SDK1: variants seen among roughly 807,000 people sequenced by gnomAD.
SDK1 encodes protein sidekick-1.
In SDK1, 157 loss-of-function variants were observed where a neutral mutation model predicts 245.5. The ratio of observed to expected loss-of-function variants is 0.64; its 90% confidence interval spans 0.56 to 0.73. The LOEUF (loss-of-function observed/expected upper bound fraction) is 0.73. Among genes scored for constraint, SDK1 ranks in the 30% least tolerant of loss-of-function variants. SDK1 has a pLI of 0.00. For missense variants in SDK1, 3,583 were observed against 3,002.3 expected (o/e 1.19, Z -4.52); for synonymous variants, 1,647 against 1,278.5 (o/e 1.29, Z -6.15).
At chr7:4,111,289 A>G (rs910764613) in intron 23 of SDK1, among the ~76,000 whole-genome samples, 3 of 152,170 alleles carry the variant, frequency 2.0e-5, no homozygotes, top group Non-Finnish European at 4.4e-5. Context: ...GGCTTTAACA[A>G]AGGGTAGGGT....
chr7:3,477,189 C>CA (rs1554277190), intron 1 of SDK1, among the ~76,000 whole-genome samples: 2 of 78,626 alleles, frequency 2.5e-5, no homozygotes, highest in African/African-American at 5.1e-5. Flanking sequence ...TGGTTTTCTC[C>CA]TTTTTTTTTT....
At chr7:3,382,058 A>G (rs770396162) in intron 1 of SDK1, among the ~76,000 whole-genome samples, 3 of 152,144 alleles carry the variant, frequency 2.0e-5, no homozygotes, top group Non-Finnish European at 2.9e-5. Context: ...CACCTTCCCT[A>G]TGCACAAGAA....
In SDK1 at chr7:3,751,539, G is replaced by A. The variant is rs533126797; in HGVS notation, c.714-69911G>A. On this transcript the variant is annotated intron_variant, in intron 4 of 44. Coordinates refer to ENST00000404826, the MANE Select transcript of SDK1 (RefSeq NM_152744.4). ...CAGTGCCTCCAATGCTTCAAAGCCT[G>A]GCCATCCCGTCATTGCCCAGTAAGG... 6.6e-5 allele frequency among the ~76,000 whole-genome samples: 10 copies of A among 152,236 alleles called. 1 individual carries two copies. The South Asian group carries it at 2.1e-3, about 32-fold the overall frequency.
At chr7:4,105,340 C>T (rs1782830826) in intron 22 of SDK1, among the ~76,000 whole-genome samples, 2 of 150,714 alleles carry the variant, frequency 1.3e-5, no homozygotes, top group African/African-American at 4.9e-5. Context: ...TGGACCTTCA[C>T]TCTGTCGCCA....
chr7:4,139,395 G>T (rs897691944), intron 28 of SDK1, among the ~76,000 whole-genome samples: 2 of 150,480 alleles, frequency 1.3e-5, no homozygotes, highest in South Asian at 4.2e-4. Context: ...ACGTGTGTGT[G>T]TATATGTGTG....
At chr7:3,643,223 A>G (rs1782707965) in intron 4 of SDK1, 3 of 151,636 alleles carry the variant, frequency 2.0e-5, no homozygotes, top group East Asian at 2.0e-4. Context: ...CTACCTGAGC[A>G]TCTGTGGAAT....
At chr7:3,698,303 G>T (rs1784634123) in intron 4 of SDK1, among the ~76,000 whole-genome samples, 1 of 152,230 alleles carries the variant, frequency 6.6e-6, no homozygotes, top group African/African-American at 2.4e-5. Flanking sequence ...AGAAGGATGG[G>T]TGTGGGGCCA....
chr7:3,326,578 C>G (rs940636032), intron 1 of SDK1, among the ~76,000 whole-genome samples: 2 of 152,086 alleles, frequency 1.3e-5, no homozygotes, highest in Admixed American at 6.5e-5. Context: ...ACAGAGCTGC[C>G]CTTTGGAAAG....
chr7:3,722,844 C>G (rs994575021), intron 4 of SDK1, among the ~76,000 whole-genome samples: 2 of 152,160 alleles, frequency 1.3e-5, no homozygotes, highest in Non-Finnish European at 2.9e-5. Context: ...GCCATCTGAC[C>G]ACTCCCCTCC....
At chr7:3,568,783 G>T (rs2128628781) in intron 1 of SDK1, among the ~76,000 whole-genome samples, 1 of 152,304 alleles carries the variant, frequency 6.6e-6, no homozygotes, top group South Asian at 2.1e-4. Flanking sequence ...GGGAGTACCT[G>T]TAATGGATCT....
Position 3,731,093 on chromosome 7 carries a change from C to G in SDK1, c.713+88988C>G, listed in dbSNP as rs1779162595. ...ATAACTTTTTGTGATTTGTGCCAAG[C>G]CTCTGGGTTGGCTAGGTGTTTCTGC... On this transcript the variant is annotated intron_variant, in intron 4 of 44. Transcript: ENST00000404826. Among the ~76,000 whole-genome samples the G allele has an allele frequency of 2.6e-5, 4 of 152,154 alleles. No individual in the cohort carries two copies. In the South Asian group the frequency reaches 8.3e-4, roughly 32 times the overall value.
chr7:3,510,453 T>A (rs576813159), intron 1 of SDK1, among the ~76,000 whole-genome samples: 3 of 152,218 alleles, frequency 2.0e-5, no homozygotes, highest in South Asian at 2.1e-4. Context: ...GAAAAATCAC[T>A]GACGTGAGGC....
In SDK1 at chr7:3,446,341, A is replaced by G. The variant is rs184860552; in HGVS notation, c.298+144457A>G. Reference sequence around the variant, plus strand: ...AGGTCACACAATTTAGAAATGTTTGAGTTAAGGTATGAACCAAGGCTTGTG... The same window carrying G: ...AGGTCACACAATTTAGAAATGTTTGGGTTAAGGTATGAACCAAGGCTTGTG... On this transcript the variant is annotated intron_variant, in intron 1 of 44. Transcript: ENST00000404826. Among the ~76,000 whole-genome samples, 222 of 152,292 alleles carry G rather than the reference A, an allele frequency of 1.5e-3. 1 individual carries two copies. Among genetic ancestry groups the G allele is most frequent in the African/African-American group, 5.1e-3 (214 of 41,586 alleles).
chr7:4,137,958 G>A (rs1779206062), intron 28 of SDK1, among the ~76,000 whole-genome samples: 1 of 152,162 alleles, frequency 6.6e-6, no homozygotes, highest in Non-Finnish European at 1.5e-5. Flanking sequence ...ATTGTCCATC[G>A]AGTCTAGGAC....
chr7:3,808,826 A>T (rs1438370787), intron 4 of SDK1, among the ~76,000 whole-genome samples: 1 of 152,162 alleles, frequency 6.6e-6, no homozygotes, highest in Admixed American at 6.5e-5. Context: ...CAAATGCCAT[A>T]CCTATCGTAG....
chr7:3,339,248 T>C (rs1444569432), intron 1 of SDK1, among the ~76,000 whole-genome samples: 1 of 152,138 alleles, frequency 6.6e-6, no homozygotes, highest in Non-Finnish European at 1.5e-5. Context: ...ATCCTAAATA[T>C]GTACACACCA....
chr7:4,189,991 G>GA lies in SDK1; in HGVS notation c.5098+11415dup, dbSNP rs898409403. 1.3e-3 allele frequency among the ~76,000 whole-genome samples: 186 copies of GA among 148,138 alleles called. 2 individuals carry two copies. Among genetic ancestry groups the GA allele is most frequent in the African/African-American group, 4.0e-3 (160 of 39,950 alleles). On this transcript the variant is annotated intron_variant, in intron 35 of 44. Transcript: ENST00000404826. ...TTAATTACAGTTGGTTGGAATGAGA[G>GA]AAAAAAAAAAGCACAGCTTCTAGCT...
At chr7:3,397,488 C>G (rs374157921) in intron 1 of SDK1, among the ~76,000 whole-genome samples, 36 of 151,636 alleles carry the variant, frequency 2.4e-4, no homozygotes, top group East Asian at 1.4e-3. Flanking sequence ...TTTCCCCCCC[C>G]CAGCGCTTTG....
chr7:3,834,354 G>T (rs1021513424), intron 5 of SDK1, among the ~76,000 whole-genome samples: 1 of 152,222 alleles, frequency 6.6e-6, no homozygotes, highest in Non-Finnish European at 1.5e-5. Flanking sequence ...GCCAGGAGAG[G>T]CTGGCGCACC....
Sources: allele counts gnomAD v4.1 joint callset (sites outside exome capture counted in the v4.1 genomes callset), GRCh38; gene constraint gnomAD v4.1.1; transcripts MANE v1.5; gene names NCBI Gene and HGNC (gene_info 2026-07-23, HGNC 2026-07-21).